TTYH3: variants seen among roughly 807,000 people sequenced by gnomAD.
The protein encoded by TTYH3 is protein tweety homolog 3.
TTYH3 carries 23 observed loss-of-function variants against 68.2 expected under a neutral mutation model. The observed-to-expected ratio is 0.34, with a 90% CI of 0.24 to 0.48. The LOEUF is 0.48. TTYH3 is among the 20% of genes least tolerant of loss of function. TTYH3 has a pLI of 0.99. For synonymous variants in TTYH3, 360 were observed against 332.8 expected (o/e 1.08, Z -0.89); for missense variants, 768 against 727.7 (o/e 1.06, Z -0.64).
intron 8 of TTYH3, 53 bp downstream of exon 8, chr7:2,652,295 C>T (rs1786204527): frequency 2.6e-6 from 4 of 1,539,780 alleles, no homozygotes; most frequent in African/African-American, 2.7e-5. Context: ...AAGCACATTG[C>T]TGTGTGTGGA....
chr7:2,642,069 G>A (rs887122038), intron 1 of TTYH3, among the ~76,000 whole-genome samples: 3 of 152,232 alleles, frequency 2.0e-5, no homozygotes, highest in African/African-American at 4.8e-5. Flanking sequence ...GCGAGGCTCC[G>A]TTTGCAGCTG....
intron 11 of TTYH3, among the ~76,000 whole-genome samples, chr7:2,657,287 G>C (rs972991371): frequency 8.5e-5 from 13 of 152,232 alleles, no homozygotes; most frequent in African/African-American, 3.1e-4. Flanking sequence ...CTTTGTGATG[G>C]TGATGGTGAT....
At chr7:2,651,101 G>C (rs1786163615) in intron 7 of TTYH3, among the ~76,000 whole-genome samples, 1 of 152,132 alleles carries the variant, frequency 6.6e-6, no homozygotes, top group Admixed American at 6.5e-5. Context: ...GGACGGCACA[G>C]AGGCAGGTGG....
rs1279785990 is a variant in TTYH3 at position 2,645,885 on chromosome 7, A to G, written c.124-968A>G. The G allele has an allele frequency of 1.5e-5, 7 of 470,312 alleles. No homozygotes were observed. Among genetic ancestry groups the G allele is most frequent in the Non-Finnish European group, 3.1e-5 (7 of 226,762 alleles). The allele number at this position is 470,312 out of a possible 1,614,324, so 29.1% of individuals were successfully genotyped here. On this transcript the variant is annotated intron_variant, in intron 1 of 13. Coordinates refer to ENST00000258796, the MANE Select transcript of TTYH3 (RefSeq NM_025250.3). The surrounding 1 kb of genome is among the most constrained non-coding windows in gnomAD (Gnocchi z 4.8). ...GGGGTGGGGGATCCTGCCAGGACTCAGGTAGGAGAGTTCTGGGCCTGAGAC... is the reference window on the plus strand; with the variant it reads ...GGGGTGGGGGATCCTGCCAGGACTCGGGTAGGAGAGTTCTGGGCCTGAGAC...
rs575948086 is a variant in TTYH3 at position 2,644,338 on chromosome 7, C to G, written c.124-2515C>G. ...AGACCCAGGGAGCCCCAGAGCGTGG[C>G]TTTTCCAAGCTCCCTAACGTTTATA... On this transcript the variant is annotated intron_variant, in intron 1 of 13. Coordinates refer to ENST00000258796, the MANE Select transcript of TTYH3 (RefSeq NM_025250.3). Among the ~76,000 whole-genome samples, 5 of 152,302 alleles carry G rather than the reference C, an allele frequency of 3.3e-5. No individual in the cohort carries two copies. The East Asian group carries it at 7.7e-4, about 24-fold the overall frequency.
At chr7:2,648,187 C>G (rs895401294) in intron 5 of TTYH3, 133 bp downstream of exon 5, 2 of 795,246 alleles carry the variant, frequency 2.5e-6, no homozygotes, top group African/African-American at 3.4e-5. Flanking sequence ...CGGGACCCCC[C>G]TGCACTGGGC....
chr7:2,649,625 C>G lies in TTYH3; in HGVS notation c.781C>G (p.Leu261Val). The G allele has an allele frequency of 6.3e-7, 1 of 1,599,484 alleles. No homozygotes were observed. The highest frequency in any genetic ancestry group is 8.5e-7 in the Non-Finnish European group (1 of 1,177,358). Residue 261 changes from leucine (L) to valine (V), a missense_variant, in exon 6 of 14, where the codon CTG becomes GTG. Transcript: ENST00000258796. The part of the protein sequence containing the change: ...VISWGALGLE[L>V]AVSVGSSDFC... The stretch of plus-strand genomic sequence containing the variant: ...CAGCTGGGGCGCGCTGGGCTTGGAG[C>G]TGGCTGTGTCCGTGGTGAGTGGCAG...
rs1355242466 is a variant in TTYH3 at position 2,645,169 on chromosome 7, G to C, written c.124-1684G>C. ...GCCTCTAGGTGGTCCCTGGCCCCAT[G>C]ATGAGGCGCAGCCCTGTATCAGCTC... is the stretch of plus-strand genomic sequence containing the variant. On this transcript the variant is annotated intron_variant, in intron 1 of 13. Transcript: ENST00000258796. The surrounding 1 kb of genome is among the most constrained non-coding windows in gnomAD (Gnocchi z 4.8). 6.6e-6 allele frequency among the ~76,000 whole-genome samples: 1 copy of C among 152,234 alleles called. No individual in the cohort carries two copies. The highest frequency in any genetic ancestry group is 1.5e-5 in the Non-Finnish European group (1 of 68,032).
chr7:2,661,879 C>T lies in TTYH3; in HGVS notation c.*140C>T. The T allele has an allele frequency of 4.5e-6, 4 of 888,758 alleles. No homozygotes were observed. Among genetic ancestry groups the T allele is most frequent in the Non-Finnish European group, 5.2e-6 (3 of 573,416 alleles). The allele number at this position is 888,758 out of a possible 1,614,324, so 55.1% of individuals were successfully genotyped here. ...GACGCGTCTGCAGGCCGCTTGCCCTCCTGTCCCCTCCCCGCAGGGGCACAG... is the reference window on the plus strand; with the variant it reads ...GACGCGTCTGCAGGCCGCTTGCCCTTCTGTCCCCTCCCCGCAGGGGCACAG... On this transcript the variant is annotated 3_prime_UTR_variant, in exon 14 of 14. Coordinates refer to ENST00000258796, the MANE Select transcript of TTYH3 (RefSeq NM_025250.3).
At chr7:2,654,253 G>A (rs990161907) in intron 9 of TTYH3, among the ~76,000 whole-genome samples, 17 of 152,036 alleles carry the variant, frequency 1.1e-4, no homozygotes, top group Non-Finnish European at 2.2e-4. Flanking sequence ...AAACTAGCTA[G>A]GTGTGGCAAA....
intron 13 of TTYH3, chr7:2,660,322 C>T (rs1196967577): frequency 1.1e-5 from 11 of 985,296 alleles, no homozygotes. Context: ...TGGCCCCAGC[C>T]CCTTCTGTCA....
At chr7:2,656,632 C>T (rs1486300968) in intron 11 of TTYH3, 98 bp downstream of exon 11, 14 of 1,439,994 alleles carry the variant, frequency 9.7e-6, no homozygotes, top group African/African-American at 1.4e-5. Context: ...GTGCCAGTCC[C>T]AGAGGTGAGG....
chr7:2,661,603 A>C, intron 13 of TTYH3, 65 bp from the exon 14 acceptor site: 2 of 1,512,386 alleles, frequency 1.3e-6, no homozygotes, highest in Non-Finnish European at 1.8e-6. Context: ...ACCACGCGGA[A>C]GGCGCCCCTG....
intron 1 of TTYH3, among the ~76,000 whole-genome samples, chr7:2,634,175 C>CGGCTCTT (rs1785597639): frequency 6.6e-6 from 1 of 152,258 alleles, no homozygotes. Context: ...CCTCCACTCC[C>CGGCTCTT]GGCTCTTGGC....
intron 9 of TTYH3, among the ~76,000 whole-genome samples, chr7:2,653,284 T>C (rs1037132237): frequency 6.6e-6 from 1 of 152,196 alleles, no homozygotes; most frequent in African/African-American, 2.4e-5. Flanking sequence ...TCTTTTGAGA[T>C]GGGCTCTTGC....
intron 11 of TTYH3, among the ~76,000 whole-genome samples, chr7:2,657,254 T>C (rs906493662): frequency 4.6e-5 from 7 of 152,190 alleles, no homozygotes; most frequent in African/African-American, 1.7e-4. Context: ...TTTCTTCCTT[T>C]TGTCTGGATT....
At chr7:2,648,954 G>GTGGGGCCCACAGTGGGGTA (rs1562713910) in intron 5 of TTYH3, among the ~76,000 whole-genome samples, 3 of 140,216 alleles carry the variant, frequency 2.1e-5, no homozygotes, top group African/African-American at 5.3e-5. Flanking sequence ...GCAGTGGGGT[G>GTGGGGCCCACAGTGGGGTA]TGGGGCCCGC....
intron 1 of TTYH3, among the ~76,000 whole-genome samples, chr7:2,644,871 C>T (rs1234689690): frequency 5.3e-5 from 8 of 152,228 alleles, no homozygotes; most frequent in Non-Finnish European, 1.0e-4. Flanking sequence ...CTCCCACTGC[C>T]TGGCAACCGT....
rs1786003455 is a variant in TTYH3 at position 2,646,949 on chromosome 7, A to G, written c.220A>G (p.Lys74Glu). ...YSFWLCCRRR[K>E]SEEHLDADCC... ...CTTCTGGCTGTGCTGCCGGCGGCGC[A>G]AGAGCGAGGAGCACCTGGACGCCGA... Residue 74 changes from lysine to glutamate, a missense_variant, in exon 2 of 14, where the codon AAG (lysine) becomes GAG (glutamate). Physicochemically the swap from Lys to Glu is moderately conservative, Grantham distance 56. Coordinates refer to ENST00000258796, the MANE Select transcript of TTYH3 (RefSeq NM_025250.3). 1 of 1,600,144 alleles carries G rather than the reference A, an allele frequency of 6.2e-7. No homozygotes were observed. Among genetic ancestry groups the G allele is most frequent in the Non-Finnish European group, 8.5e-7 (1 of 1,178,200 alleles).
Sources: allele counts gnomAD v4.1 joint callset (sites outside exome capture counted in the v4.1 genomes callset), GRCh38; gene constraint gnomAD v4.1.1; non-coding constraint Gnocchi (gnomAD v3.1); transcripts MANE v1.5; gene names NCBI Gene and HGNC (gene_info 2026-07-23, HGNC 2026-07-21).